NDST4: variants seen among roughly 807,000 people sequenced by gnomAD.
The protein encoded by NDST4 is N-heparan sulfate sulfotransferase 4.
A neutral mutation model predicts 100.8 loss-of-function variants in NDST4; 63 were observed. That is an observed-to-expected ratio of 0.62 (90% CI 0.51 to 0.77). The LOEUF is 0.77. Ranked by LOEUF, NDST4 falls within the 30% of genes least tolerant of loss-of-function variation. NDST4 has a pLI of 0.00. For synonymous variants in NDST4, 377 were observed against 361.8 expected (o/e 1.04, Z -0.48); for missense variants, 943 against 1,018.4 (o/e 0.93, Z 1.01).
chr4:115,016,850 G>T (rs1727688845), intron 2 of NDST4, among the ~76,000 whole-genome samples: 1 of 152,048 alleles, frequency 6.6e-6, no homozygotes, highest in Admixed American at 6.6e-5. Context: ...ACCCCCTGAG[G>T]TGCTTGCTGA....
intron 4 of NDST4, among the ~76,000 whole-genome samples, chr4:114,944,382 A>G (rs950244432): frequency 1.3e-5 from 2 of 152,140 alleles, no homozygotes; most frequent in South Asian, 2.1e-4. Context: ...AACTCTCTCC[A>G]TCTCAACTCT....
chr4:114,993,473 G>A (rs971469878), intron 2 of NDST4, among the ~76,000 whole-genome samples: 1 of 151,840 alleles, frequency 6.6e-6, no homozygotes, highest in African/African-American at 2.4e-5. Flanking sequence ...ATAGAAAGTG[G>A]CTCACTCAGC....
intron 1 of NDST4, among the ~76,000 whole-genome samples, chr4:115,093,672 C>A (rs1260429207): frequency 1.4e-4 from 22 of 152,030 alleles, no homozygotes; most frequent in African/African-American, 5.1e-4. Flanking sequence ...AGCATATGCA[C>A]TATGACTGTA....
At chr4:114,867,324 T>A (rs1228530977) in intron 7 of NDST4, among the ~76,000 whole-genome samples, 1 of 152,166 alleles carries the variant, frequency 6.6e-6, no homozygotes, top group Non-Finnish European at 1.5e-5. Flanking sequence ...CTGGATGTCT[T>A]GACAGCTGGA....
chr4:115,092,955 A>C (rs867993201), intron 1 of NDST4, among the ~76,000 whole-genome samples: 1 of 152,206 alleles, frequency 6.6e-6, no homozygotes, highest in South Asian at 2.1e-4. Flanking sequence ...TTTACAATGG[A>C]TATAAAATAA....
chr4:115,070,344 T>C (rs1729048035), intron 2 of NDST4, among the ~76,000 whole-genome samples: 1 of 152,062 alleles, frequency 6.6e-6, no homozygotes, highest in Non-Finnish European at 1.5e-5. Context: ...TTCTCACTTA[T>C]AAGTGGGAGC....
intron 6 of NDST4, among the ~76,000 whole-genome samples, chr4:114,889,051 C>G (rs1281837808): frequency 6.6e-6 from 1 of 152,050 alleles, no homozygotes; most frequent in Non-Finnish European, 1.5e-5. Flanking sequence ...TGTAGCAACA[C>G]TAGATATTAT....
At chr4:115,065,604 G>C (rs1217372297) in intron 2 of NDST4, among the ~76,000 whole-genome samples, 1 of 151,600 alleles carries the variant, frequency 6.6e-6, no homozygotes, top group African/African-American at 2.4e-5. Flanking sequence ...ACAATCATTA[G>C]TATGATTGTA....
chr4:114,943,885 T>C (rs1370816507), intron 4 of NDST4, among the ~76,000 whole-genome samples: 2 of 152,172 alleles, frequency 1.3e-5, no homozygotes, highest in South Asian at 2.1e-4. Context: ...ATAGTGGCTA[T>C]GAAGTCATAA....
intron 2 of NDST4, among the ~76,000 whole-genome samples, chr4:114,996,092 C>T (rs957530970): frequency 2.6e-5 from 4 of 152,042 alleles, no homozygotes; most frequent in African/African-American, 9.7e-5. Flanking sequence ...TATGGTTTGG[C>T]TCTGTATCCC....
intron 6 of NDST4, among the ~76,000 whole-genome samples, chr4:114,896,892 T>TCTTC (rs1724727304): frequency 6.6e-6 from 1 of 152,182 alleles, no homozygotes; most frequent in South Asian, 2.1e-4. Context: ...AAACTTTCTT[T>TCTTC]CTTCCTTATT....
At chr4:114,867,665 C>CAAAAAAAAAAAAAAAAAGAAA (rs1724061751) in intron 7 of NDST4, among the ~76,000 whole-genome samples, 5 of 79,900 alleles carry the variant, frequency 6.3e-5, no homozygotes, top group Admixed American at 1.8e-4. Flanking sequence ...AAAAAAAAAG[C>CAAAAAAAAAAAAAAAAAGAAA]AAAAAAAAAA....
intron 1 of NDST4, among the ~76,000 whole-genome samples, chr4:115,097,961 A>C (rs1729654121): frequency 6.6e-6 from 1 of 152,120 alleles, no homozygotes; most frequent in African/African-American, 2.4e-5. Context: ...ATTTCTTTTA[A>C]TCTTTTATTC....
At chr4:115,064,802 A>T (rs552790158) in intron 2 of NDST4, among the ~76,000 whole-genome samples, 1 of 152,074 alleles carries the variant, frequency 6.6e-6, no homozygotes, top group East Asian at 1.9e-4. Flanking sequence ...TTCTTCTTTG[A>T]TATATTTCTA....
intron 6 of NDST4, among the ~76,000 whole-genome samples, chr4:114,898,607 G>C (rs1214062817): frequency 1.3e-5 from 2 of 152,124 alleles, no homozygotes; most frequent in African/African-American, 2.4e-5. Context: ...AATTGGGATT[G>C]TGCCGAATCA....
At chr4:115,054,795 C>T (rs1053526755) in intron 2 of NDST4, among the ~76,000 whole-genome samples, 8 of 152,124 alleles carry the variant, frequency 5.3e-5, no homozygotes, top group African/African-American at 1.9e-4. Flanking sequence ...GAAATTTTAG[C>T]TCCTTGTTTC....
chr4:115,083,289 C>G (rs1729339260), intron 1 of NDST4, among the ~76,000 whole-genome samples: 1 of 151,812 alleles, frequency 6.6e-6, no homozygotes, highest in African/African-American at 2.4e-5. Flanking sequence ...TGTCTCAACA[C>G]AAAAGAAAAA....
chr4:115,074,375 A>G (rs1190550413), intron 2 of NDST4, among the ~76,000 whole-genome samples: 1 of 152,040 alleles, frequency 6.6e-6, no homozygotes, highest in Non-Finnish European at 1.5e-5. Context: ...AGGAAATGCT[A>G]TATTTTTAGC....
intron 4 of NDST4, among the ~76,000 whole-genome samples, chr4:114,943,914 T>C (rs141016968): frequency 1.3e-5 from 2 of 152,296 alleles, no homozygotes; most frequent in East Asian, 3.9e-4. Flanking sequence ...TAAGTGTTAA[T>C]TTGTTGAGAA....
Sources: allele counts gnomAD v4.1 joint callset (sites outside exome capture counted in the v4.1 genomes callset), GRCh38; gene constraint gnomAD v4.1.1; transcripts MANE v1.5; gene names NCBI Gene and HGNC (gene_info 2026-07-23, HGNC 2026-07-21).